The following MYOF variants were observed in gnomAD, a reference collection of about 807,000 sequenced individuals.
The protein encoded by MYOF is myoferlin, also known as fer-1-like 3, myoferlin.
Under a neutral mutation model 284.2 loss-of-function variants are expected in MYOF, and 244 were observed. That is an observed-to-expected ratio of 0.86 (90% CI 0.77 to 0.95). The LOEUF is 0.95. Ranked by LOEUF, MYOF falls within the 40% of genes least tolerant of loss-of-function variation. The pLI is 0.00. For synonymous variants in MYOF, 904 were observed against 919.7 expected (o/e 0.98, Z 0.31); for missense variants, 2,496 against 2,560.6 (o/e 0.97, Z 0.54).
intron 5 of MYOF, among the ~76,000 whole-genome samples, chr10:93,411,534 G>T (rs976238252): frequency 1.3e-5 from 2 of 152,206 alleles, no homozygotes; most frequent in African/African-American, 2.4e-5. Context: ...CACTGCAATT[G>T]GAAGGGGCTT....
intron 28 of MYOF, 84 bp downstream of exon 28, chr10:93,361,367 GC>G: frequency 7.6e-7 from 1 of 1,314,492 alleles, no homozygotes; most frequent in South Asian, 1.3e-5. Flanking sequence ...CAGAAGTGAG[GC>G]CCCTCCCTCC....
intron 41 of MYOF, among the ~76,000 whole-genome samples, chr10:93,334,439 C>T (rs1172677249): frequency 6.6e-6 from 1 of 151,800 alleles, no homozygotes; most frequent in Non-Finnish European, 1.5e-5. Flanking sequence ...CCATACTCAC[C>T]CCTGGCACAG....
chr10:93,311,916 C>T (rs2133713009), intron 51 of MYOF, among the ~76,000 whole-genome samples: 1 of 152,244 alleles, frequency 6.6e-6, no homozygotes, highest in East Asian at 1.9e-4. Context: ...GAAAGCAGGT[C>T]AGTGGTTTCC....
rs201653722 is a variant in MYOF, at chr10:93,408,891, G to C, written c.625C>G (p.Arg209Gly). ...FQIRVRVIEG[R>G]QLSGNNIRPV... is the part of the protein sequence containing the mutation. ...CTTATGTTGTTACCACTTAACTGTC[G>C]GCCCTCAATCACTCGGACGCGGATC... Residue 209 changes from arginine to glycine, a missense_variant, in exon 7 of 54, where the codon CGA becomes GGA. By Grantham distance (125) the Arg-to-Gly change is moderately radical. Around this residue, in one of 3 missense-constraint regions of MYOF, gnomAD observed 2,436 missense variants for 2,480.7 expected, o/e 0.98. Transcript: ENST00000359263. 7 of 1,614,130 alleles carry C rather than the reference G, an allele frequency of 4.3e-6. 1 individual carries two copies. In the South Asian group the frequency reaches 7.7e-5, roughly 18 times the overall value.
chr10:93,316,973 G>C (rs1842641233), intron 49 of MYOF, among the ~76,000 whole-genome samples, 160 bp from the exon 50 acceptor site: 1 of 151,380 alleles, frequency 6.6e-6, no homozygotes, highest in Non-Finnish European at 1.5e-5. Context: ...GAGCAGTCAG[G>C]CTCCCCAGGA....
chr10:93,338,043 T>G lies in MYOF; in HGVS notation c.4339-130A>C, dbSNP rs1312776178. 4.3e-6 allele frequency: 3 copies of G among 703,432 alleles called. No individual in the cohort carries two copies. In the Admixed American group the frequency reaches 7.2e-5, roughly 17 times the overall value. 43.6% of individuals were successfully genotyped at this position (703,432 alleles called of 1,614,324 possible). ...CCTGTTAAAAGTGAGATTATATGAC[T>G]TTTGTTTACATGCACAATGGACAAA... On this transcript the variant is annotated intron_variant, in intron 39 of 53. Transcript: ENST00000359263.
intron 41 of MYOF, 131 bp downstream of exon 41, chr10:93,335,790 A>G: frequency 8.9e-7 from 1 of 1,118,450 alleles, no homozygotes; most frequent in South Asian, 1.5e-5. Context: ...TCCTAGGCCT[A>G]TATAGAAAAT....
At chr10:93,387,314 T>G (rs1846424665) in intron 19 of MYOF, among the ~76,000 whole-genome samples, 1 of 152,168 alleles carries the variant, frequency 6.6e-6, no homozygotes, top group African/African-American at 2.4e-5. Flanking sequence ...TGATTCAGAT[T>G]TGTGGAACAC....
At chr10:93,316,252 G>A (rs1467614325) in intron 50 of MYOF, among the ~76,000 whole-genome samples, 2 of 152,074 alleles carry the variant, frequency 1.3e-5, no homozygotes, top group African/African-American at 4.8e-5. Context: ...AGTGTGCCAG[G>A]AGAGGGAAGG....
In MYOF at chr10:93,387,893, T is replaced by A. The variant is rs1162200470; in HGVS notation, c.1602A>T (p.Arg534Ser). The change falls in exon 19 of 54, where the codon AGA (arginine) becomes AGT (serine). Residue 534 changes from arginine (R) to serine (S), a missense_variant. Around this residue, in one of 3 missense-constraint regions of MYOF, gnomAD observed 2,436 missense variants for 2,480.7 expected, o/e 0.98. Transcript: ENST00000359263. The stretch of plus-strand genomic sequence containing the variant: ...TGGCTAATTCAACCAAGATCCTGCC[T>A]CTGTAGGCAACTCCTTCCCCCTGAA... Reference protein sequence around the residue: ...NTGKGEGVAYRGRILVELATF... With the variant: ...NTGKGEGVAYSGRILVELATF... 1.1e-5 allele frequency: 18 copies of A among 1,613,904 alleles called. No individual in the cohort carries two copies. Among genetic ancestry groups the A allele is most frequent in the Non-Finnish European group, 1.5e-5 (18 of 1,179,944 alleles).
chr10:93,444,032 TTG>T (rs991495032), intron 3 of MYOF, among the ~76,000 whole-genome samples: 2 of 152,202 alleles, frequency 1.3e-5, no homozygotes, highest in Non-Finnish European at 2.9e-5. Flanking sequence ...GGCATGAGCT[TTG>T]TGAGAGAGGT....
intron 1 of MYOF, among the ~76,000 whole-genome samples, chr10:93,459,133 T>A (rs1354859996): frequency 6.6e-6 from 1 of 152,218 alleles, no homozygotes; most frequent in Non-Finnish European, 1.5e-5. Context: ...CTATGTGGCC[T>A]ACAGAGCCCC....
In MYOF at chr10:93,402,848, A is replaced by G; in HGVS notation, c.874+12T>C. 1 of 1,607,754 alleles carries G rather than the reference A, an allele frequency of 6.2e-7. No homozygotes were observed. The highest frequency in any genetic ancestry group is 2.2e-5 in the East Asian group (1 of 44,778). ...TTTAAGACTTCATATTGATGGGGAG[A>G]ACATTACTTACCAGGTTCATCATAA... On this transcript the variant is annotated intron_variant, in intron 10 of 53. Coordinates refer to ENST00000359263, the MANE Select transcript of MYOF (RefSeq NM_013451.4).
intron 39 of MYOF, among the ~76,000 whole-genome samples, chr10:93,339,505 C>T (rs1034977971): frequency 4.0e-5 from 6 of 151,866 alleles, no homozygotes; most frequent in African/African-American, 1.2e-4. Context: ...CGCTCTGTTG[C>T]CCAGGCTGGA....
At chr10:93,446,936 C>A (rs148151524) in intron 3 of MYOF, among the ~76,000 whole-genome samples, 1 of 152,022 alleles carries the variant, frequency 6.6e-6, no homozygotes, top group Non-Finnish European at 1.5e-5. Context: ...AGGCTGTTCT[C>A]GAACTCCTGG....
intron 32 of MYOF, among the ~76,000 whole-genome samples, chr10:93,353,016 C>G (rs1185632615): frequency 6.6e-6 from 1 of 152,164 alleles, no homozygotes; most frequent in Non-Finnish European, 1.5e-5. Flanking sequence ...AATGCTTTAA[C>G]AAACTTTCCG....
Position 93,361,447 on chromosome 10 carries a change from G to A in MYOF, c.2974+5C>T. ...CCCAATCAGGTCACAGATGTACAATGTTACCTTTCTCATCCACCGCTCGAT... is the reference window on the plus strand; with the variant it reads ...CCCAATCAGGTCACAGATGTACAATATTACCTTTCTCATCCACCGCTCGAT... On this transcript the variant is annotated splice_donor_5th_base_variant and intron_variant, in intron 28 of 53. Transcript: ENST00000359263. The A allele has an allele frequency of 5.6e-6, 9 of 1,613,772 alleles. No homozygotes were observed. Among genetic ancestry groups the A allele is most frequent in the Non-Finnish European group, 7.6e-6 (9 of 1,179,688 alleles).
At chr10:93,371,173 A>G (rs1303882445) in intron 24 of MYOF, among the ~76,000 whole-genome samples, 3 of 152,230 alleles carry the variant, frequency 2.0e-5, no homozygotes, top group Non-Finnish European at 2.9e-5. Context: ...GCATGAATAA[A>G]AGAGTCATTC....
chr10:93,424,984 G>A (rs1172308750), intron 5 of MYOF, among the ~76,000 whole-genome samples: 2 of 127,200 alleles, frequency 1.6e-5, no homozygotes, highest in African/African-American at 5.7e-5. Flanking sequence ...TGTTGCCCAG[G>A]CTGGAGTGCA....
Sources: allele counts gnomAD v4.1 joint callset (sites outside exome capture counted in the v4.1 genomes callset), GRCh38; gene constraint gnomAD v4.1.1; regional missense constraint gnomAD v4.1.1; transcripts MANE v1.5; gene names NCBI Gene and HGNC (gene_info 2026-07-23, HGNC 2026-07-21).